Variants in ZNF585A observed in about 807,000 individuals in gnomAD.
ZNF585A encodes the protein zinc finger protein 585A.
ZNF585A carries 9 observed loss-of-function variants against 14.9 expected under a neutral mutation model. That is an observed-to-expected ratio of 0.60 (90% CI 0.36 to 1.05). The LOEUF (loss-of-function observed/expected upper bound fraction) is 1.05, where lower values mean the gene tolerates loss of function less well. Among genes scored for constraint, ZNF585A ranks in the 50% least tolerant of loss-of-function variants. The pLI is 0.01. For synonymous variants in ZNF585A, 276 were observed against 319.9 expected, an observed-to-expected ratio of 0.86 and a Z score of 1.46; for missense variants, 726 against 926.4, an observed-to-expected ratio of 0.78 and a Z score of 2.81.
chr19:37,170,268 C>T (rs1286542252), intron 1 of ZNF585A, among the ~76,000 whole-genome samples: 1 of 152,136 alleles, frequency 6.6e-6, no homozygotes, highest in South Asian at 2.1e-4. Context: ...TAAAGTAGAA[C>T]CCAAAAAGTT....
chr19:37,145,802 C>G lies in ZNF585A; in HGVS notation c.*5787G>C, dbSNP rs941106765. 18 of 152,078 alleles carry G rather than the reference C, an allele frequency of 1.2e-4. No homozygotes were observed. Among genetic ancestry groups the G allele is most frequent in the Non-Finnish European group, 4.4e-5 (3 of 68,012 alleles). 9.4% of individuals were successfully genotyped at this position (152,078 alleles called of 1,614,324 possible). On this transcript the variant is annotated 3_prime_UTR_variant, in exon 5 of 5. Coordinates refer to ENST00000292841, the MANE Select transcript of ZNF585A (RefSeq NM_001288800.2). Reference sequence around the variant, plus strand: ...CTACTGTGTTTATATAATACAAACACCTGAAGGTGGCAGAAACTAGCAGAG... The same window carrying G: ...CTACTGTGTTTATATAATACAAACAGCTGAAGGTGGCAGAAACTAGCAGAG...
chr19:37,152,186 A>G lies in ZNF585A; in HGVS notation c.1713T>C (p.Ile571=), dbSNP rs752150309. 6.2e-7 allele frequency: 1 copy of G among 1,612,302 alleles called. No homozygotes were observed. The highest frequency in any genetic ancestry group is 8.5e-7 in the Non-Finnish European group (1 of 1,179,150). Residue 571 remains isoleucine, a synonymous_variant, in exon 5 of 5, where the codon ATT becomes ATC. Coordinates refer to ENST00000292841, the MANE Select transcript of ZNF585A (RefSeq NM_001288800.2). ...ATACATAGGGTTTCTCTCCTGTATG[A>G]ATTTTCTGATGAACAATGAGTATTG... The part of the protein sequence containing the change: ...QKSILIVHQK[I]HTGEKPYVCT...
At chr19:37,159,749 C>G (rs562820447) in intron 2 of ZNF585A, among the ~76,000 whole-genome samples, 1 of 152,222 alleles carries the variant, frequency 6.6e-6, no homozygotes, top group East Asian at 1.9e-4. Context: ...ACAAAACAGA[C>G]AAAATCTCCA....
intron 2 of ZNF585A, among the ~76,000 whole-genome samples, chr19:37,164,636 G>A (rs920564073): frequency 2.6e-5 from 4 of 152,002 alleles, no homozygotes; most frequent in Non-Finnish European, 4.4e-5. Flanking sequence ...ATAATCTCTC[G>A]AAAAGTAAAT....
At chr19:37,167,497 C>G (rs1441916301) in intron 2 of ZNF585A, among the ~76,000 whole-genome samples, 1 of 152,186 alleles carries the variant, frequency 6.6e-6, no homozygotes, top group Non-Finnish European at 1.5e-5. Flanking sequence ...TAAAAATACA[C>G]ATAACATAAA....
chr19:37,145,894 T>A lies in ZNF585A; in HGVS notation c.*5695A>T, dbSNP rs1170860965. ...ATGATATCTTAATAATTTAGAGGCA[T>A]ATAATAATGACAAGGATTCTGATAT... is the stretch of plus-strand genomic sequence containing the variant. On this transcript the variant is annotated 3_prime_UTR_variant, in exon 5 of 5. Transcript: ENST00000292841. 1 of 152,220 alleles carries A rather than the reference T, an allele frequency of 6.6e-6. No individual in the cohort carries two copies. Among genetic ancestry groups the A allele is most frequent in the African/African-American group, 2.4e-5 (1 of 41,458 alleles). 9.4% of individuals were successfully genotyped at this position (152,220 alleles called of 1,614,324 possible).
intron 2 of ZNF585A, 149 bp downstream of exon 2, chr19:37,169,690 G>GATCA: frequency 5.9e-6 from 5 of 842,182 alleles, no homozygotes; most frequent in Non-Finnish European, 9.0e-6. Context: ...TCAACAGGAA[G>GATCA]ATCAAGATTT....
intron 2 of ZNF585A, among the ~76,000 whole-genome samples, chr19:37,166,667 A>C (rs1395337847): frequency 6.9e-6 from 1 of 145,338 alleles, no homozygotes; most frequent in Non-Finnish European, 1.5e-5. Flanking sequence ...CAACACATCA[A>C]CTTGTCAACA....
Position 37,153,199 on chromosome 19 carries a change from T to C in ZNF585A, c.700A>G (p.Lys234Glu). The change falls in exon 5 of 5, where the codon AAA becomes GAA. Residue 234 changes from lysine (K) to glutamate (E), a missense_variant. Transcript: ENST00000292841. ...TGGTGTCTCTCTCCAGTATGAATTT[T>C]CTCATGTATACTGAGATCTGAGTTA... is the stretch of plus-strand genomic sequence containing the variant. The part of the protein sequence containing the change: ...SYNSDLSIHE[K>E]IHTGERHHEC... 6.2e-7 allele frequency: 1 copy of C among 1,614,206 alleles called. No individual in the cohort carries two copies. Among genetic ancestry groups the C allele is most frequent in the Non-Finnish European group, 8.5e-7 (1 of 1,180,036 alleles).
chr19:37,155,062 G>A (rs1005976402), intron 4 of ZNF585A, among the ~76,000 whole-genome samples: 22 of 147,736 alleles, frequency 1.5e-4, no homozygotes, highest in Non-Finnish European at 2.7e-4. Context: ...GTGCAGTGGC[G>A]CGATCTCGGC....
At chr19:37,153,858 A>G (rs1971881436) in intron 4 of ZNF585A, among the ~76,000 whole-genome samples, 1 of 152,218 alleles carries the variant, frequency 6.6e-6, no homozygotes, top group Non-Finnish European at 1.5e-5. Flanking sequence ...TGAAAGCAAC[A>G]TCATTTTGAT....
intron 2 of ZNF585A, among the ~76,000 whole-genome samples, chr19:37,164,263 C>A (rs553745374): frequency 6.6e-6 from 1 of 151,868 alleles, no homozygotes; most frequent in African/African-American, 2.4e-5. Flanking sequence ...ATTAGCAGGG[C>A]GTGGTGGCGG....
chr19:37,154,984 A>G (rs985117566), intron 4 of ZNF585A, among the ~76,000 whole-genome samples: 1 of 149,414 alleles, frequency 6.7e-6, no homozygotes, highest in African/African-American at 2.5e-5. Flanking sequence ...GAGCATAACC[A>G]AGAAAGAAAG....
rs557866344 is a variant in ZNF585A, at chr19:37,153,445, G to T, written c.454C>A (p.Leu152Ile). ...CATACATAGAGCTTTTCTCCTGCAA[G>T]AACTTTCAGGTGTACTTTGAGCTGT... ...KSQLKVHLKVLAGEKLYVCIE... is the reference protein window; with the variant it reads ...KSQLKVHLKVIAGEKLYVCIE... Residue 152 changes from leucine (L) to isoleucine (I), a missense_variant, in exon 5 of 5, where the codon CTT becomes ATT. Around this residue, in one of 2 missense-constraint regions of ZNF585A, gnomAD observed 483 missense variants for 542.8 expected, o/e 0.89. Transcript: ENST00000292841. 5 of 1,614,162 alleles carry T rather than the reference G, an allele frequency of 3.1e-6. No individual in the cohort carries two copies. The African/African-American group carries it at 5.3e-5, about 17-fold the overall frequency.
intron 1 of ZNF585A, among the ~76,000 whole-genome samples, chr19:37,170,549 T>C (rs759747856): frequency 9.2e-5 from 14 of 152,218 alleles, no homozygotes; most frequent in Non-Finnish European, 1.5e-4. Context: ...AGTGGTGCGA[T>C]CTCGGCTCAC....
Position 37,148,585 on chromosome 19 carries a change from C to T in ZNF585A, c.*3004G>A, listed in dbSNP as rs1389682286. The T allele has an allele frequency of 6.6e-6, 1 of 152,124 alleles. No individual in the cohort carries two copies. The highest frequency in any genetic ancestry group is 2.4e-5 in the African/African-American group (1 of 41,416). The allele number at this position is 152,124 out of a possible 1,614,324, so 9.4% of individuals were successfully genotyped here. On this transcript the variant is annotated 3_prime_UTR_variant, in exon 5 of 5. Transcript: ENST00000292841. ...TTCATCTTGATTGTGGTGTTGATTG[C>T]ATGATTAGATACAACTGTCAAAACT...
intron 1 of ZNF585A, among the ~76,000 whole-genome samples, chr19:37,170,327 C>T (rs1972161938): frequency 1.3e-5 from 2 of 152,146 alleles, no homozygotes; most frequent in South Asian, 4.1e-4. Flanking sequence ...AGTACAGGGA[C>T]CACACTTTGA....
At chr19:37,168,618 T>A (rs1452936065) in intron 2 of ZNF585A, among the ~76,000 whole-genome samples, 1 of 152,206 alleles carries the variant, frequency 6.6e-6, no homozygotes, top group Non-Finnish European at 1.5e-5. Context: ...ATGATTAAGA[T>A]ACCCAATCAT....
chr19:37,168,698 C>G (rs1224929530), intron 2 of ZNF585A, among the ~76,000 whole-genome samples: 3 of 152,122 alleles, frequency 2.0e-5, no homozygotes, highest in East Asian at 3.8e-4. Context: ...TTACCTGTGA[C>G]TAAAACCAGA....
Sources: allele counts gnomAD v4.1 joint callset (sites outside exome capture counted in the v4.1 genomes callset), GRCh38; gene constraint gnomAD v4.1.1; regional missense constraint gnomAD v4.1.1; transcripts MANE v1.5; gene names NCBI Gene and HGNC (gene_info 2026-07-23, HGNC 2026-07-21).